The following TMEM135 variants were observed in gnomAD, a reference collection of about 807,000 sequenced individuals.
TMEM135 encodes transmembrane protein 135, also known as peroxisomal membrane protein 52.
In TMEM135, 30 loss-of-function variants were observed where a neutral mutation model predicts 60.3. The ratio of observed to expected loss-of-function variants is 0.50; its 90% CI spans 0.37 to 0.68. The LOEUF is 0.68. Ranked by LOEUF, TMEM135 falls within the 30% of genes least tolerant of loss-of-function variation. The pLI is 0.00. For missense variants in TMEM135, 468 were observed against 548.8 expected, an observed-to-expected ratio of 0.85 and a Z score of 1.47; for synonymous variants, 190 against 186.7, an observed-to-expected ratio of 1.02 and a Z score of -0.14.
At chr11:87,055,836 C>T (rs952600668) in intron 1 of TMEM135, among the ~76,000 whole-genome samples, 5 of 152,066 alleles carry the variant, frequency 3.3e-5, no homozygotes, top group African/African-American at 7.2e-5. Context: ...GTGATCCACC[C>T]GCCTCTGTTA....
intron 11 of TMEM135, among the ~76,000 whole-genome samples, chr11:87,314,228 A>T (rs1470640880): frequency 6.6e-6 from 1 of 151,880 alleles, no homozygotes; most frequent in Non-Finnish European, 1.5e-5. Flanking sequence ...ATAGAAATGT[A>T]AAGCTTCTTG....
chr11:87,142,671 T>G (rs1051262311), intron 4 of TMEM135, among the ~76,000 whole-genome samples: 1 of 151,948 alleles, frequency 6.6e-6, no homozygotes, highest in African/African-American at 2.4e-5. Context: ...TTGGAGTTCT[T>G]TTAGCTTCCA....
intron 9 of TMEM135, among the ~76,000 whole-genome samples, chr11:87,308,448 A>C (rs1942587878): frequency 6.6e-6 from 1 of 152,194 alleles, no homozygotes; most frequent in African/African-American, 2.4e-5. Context: ...TTTGTGTTTT[A>C]ATAAGGCATT....
At chr11:87,170,960 G>A (rs1009951808) in intron 5 of TMEM135, among the ~76,000 whole-genome samples, 37 of 152,158 alleles carry the variant, frequency 2.4e-4, no homozygotes, top group Admixed American at 1.3e-4. Context: ...GCCTGGGGCT[G>A]CTGGCTTTCT....
At chr11:87,263,045 A>G (rs1941682560) in intron 6 of TMEM135, among the ~76,000 whole-genome samples, 1 of 152,002 alleles carries the variant, frequency 6.6e-6, no homozygotes, top group Non-Finnish European at 1.5e-5. Flanking sequence ...TGTAATATGT[A>G]AGCCAGTTAC....
At chr11:87,286,475 C>G (rs1942168062) in intron 6 of TMEM135, among the ~76,000 whole-genome samples, 1 of 152,214 alleles carries the variant, frequency 6.6e-6, no homozygotes, top group African/African-American at 2.4e-5. Flanking sequence ...GACCCTGCGC[C>G]AGGGCCACGG....
chr11:87,208,382 C>G lies in TMEM135; in HGVS notation c.463-28256C>G, dbSNP rs543680960. 3.3e-5 allele frequency among the ~76,000 whole-genome samples: 5 copies of G among 152,156 alleles called. No individual in the cohort carries two copies. In the South Asian group the frequency reaches 8.3e-4, roughly 25 times the overall value. The stretch of plus-strand genomic sequence containing the variant: ...TTTAAGAATAAAACAAACTGAACTT[C>G]TAGAAATGAAAAATTCACTACAGGA... On this transcript the variant is annotated intron_variant, in intron 5 of 14. Coordinates refer to ENST00000305494, the MANE Select transcript of TMEM135 (RefSeq NM_022918.4).
At chr11:87,111,650 C>CAAAA (rs746609752) in intron 4 of TMEM135, among the ~76,000 whole-genome samples, 17 of 73,924 alleles carry the variant, frequency 2.3e-4, no homozygotes, top group Non-Finnish European at 3.9e-4. Context: ...GACTCCGTCT[C>CAAAA]AAAAAAAAAA....
At chr11:87,252,253 A>G (rs1412191922) in intron 6 of TMEM135, among the ~76,000 whole-genome samples, 2 of 152,144 alleles carry the variant, frequency 1.3e-5, no homozygotes, top group Non-Finnish European at 2.9e-5. Flanking sequence ...GGGAAAGAGA[A>G]TAGAGTCTAA....
At chr11:87,258,412 T>G (rs1290500641) in intron 6 of TMEM135, among the ~76,000 whole-genome samples, 1 of 152,106 alleles carries the variant, frequency 6.6e-6, no homozygotes, top group African/African-American at 2.4e-5. Context: ...TACACCACAG[T>G]TGTAATGCAT....
chr11:87,235,955 T>G (rs1252981040), intron 5 of TMEM135, among the ~76,000 whole-genome samples: 1 of 151,934 alleles, frequency 6.6e-6, no homozygotes, highest in Non-Finnish European at 1.5e-5. Flanking sequence ...CTTTTCTTAT[T>G]GATTAGAATT....
chr11:87,213,660 TG>T (rs1428884147), intron 5 of TMEM135, among the ~76,000 whole-genome samples: 6 of 152,372 alleles, frequency 3.9e-5, no homozygotes, highest in Non-Finnish European at 5.9e-5. Flanking sequence ...AGGTAGTTTC[TG>T]TTTTGTTCTT....
At chr11:87,253,160 G>A (rs1162477004) in intron 6 of TMEM135, among the ~76,000 whole-genome samples, 1 of 152,146 alleles carries the variant, frequency 6.6e-6, no homozygotes, top group African/African-American at 2.4e-5. Flanking sequence ...CTCTAAGAAT[G>A]AGAAACTTGT....
intron 4 of TMEM135, among the ~76,000 whole-genome samples, chr11:87,151,491 C>G (rs961906437): frequency 3.3e-5 from 5 of 151,996 alleles, no homozygotes; most frequent in African/African-American, 1.2e-4. Flanking sequence ...TTATTTTGCT[C>G]TGTCTTTCCT....
chr11:87,301,200 T>TTTTC (rs148443732), intron 7 of TMEM135, among the ~76,000 whole-genome samples: 5,487 of 152,178 alleles, frequency 0.036, 91 homozygotes, highest in Admixed American at 0.046. Flanking sequence ...AGTAACAGCT[T>TTTTC]TTTCTTTCTA....
intron 6 of TMEM135, among the ~76,000 whole-genome samples, chr11:87,287,473 T>G (rs1333928495): frequency 6.6e-6 from 1 of 152,054 alleles, no homozygotes; most frequent in African/African-American, 2.4e-5. Flanking sequence ...GGTCAAGAGA[T>G]CAAGACCATC....
intron 5 of TMEM135, among the ~76,000 whole-genome samples, chr11:87,186,095 C>T (rs947275910): frequency 1.2e-4 from 18 of 152,048 alleles, no homozygotes; most frequent in South Asian, 6.2e-4. Context: ...TTAGTGGAGA[C>T]GGGGTTTCAC....
At chr11:87,150,050 C>G (rs1938516112) in intron 4 of TMEM135, among the ~76,000 whole-genome samples, 1 of 151,842 alleles carries the variant, frequency 6.6e-6, no homozygotes, top group Admixed American at 6.6e-5. Context: ...AAACCTGTCT[C>G]TACTAAATAC....
intron 5 of TMEM135, among the ~76,000 whole-genome samples, chr11:87,202,882 A>T: frequency 6.6e-6 from 1 of 151,572 alleles, no homozygotes. Flanking sequence ...AATACAAAAA[A>T]ATTAGCTGGG....
Sources: gnomAD v4.1 joint callset for allele counts (sites outside exome capture counted in the v4.1 genomes callset) on GRCh38, gnomAD v4.1.1 for gene constraint, MANE v1.5 for transcripts, NCBI Gene and HGNC (gene_info 2026-07-23, HGNC 2026-07-21) for gene names.